Variants in DCC observed in about 807,000 individuals in gnomAD.
DCC encodes the protein DCC netrin 1 receptor.
In DCC, 58 loss-of-function variants were observed where a neutral mutation model predicts 172.5. That is an observed-to-expected ratio of 0.34 (90% CI 0.27 to 0.42). DCC has a LOEUF of 0.42. Among genes scored for constraint, DCC ranks in the 10% least tolerant of loss-of-function variants. The pLI is 1.00. For synonymous variants in DCC, 709 were observed against 644.5 expected (o/e 1.10, Z -1.52); for missense variants, 1,740 against 1,791.0 (o/e 0.97, Z 0.51).
intron 13 of DCC, among the ~76,000 whole-genome samples, chr18:53,316,818 A>G (rs781420264): frequency 1.3e-5 from 2 of 152,188 alleles, no homozygotes; most frequent in Non-Finnish European, 2.9e-5. Flanking sequence ...CTTTGCTGAC[A>G]TTGCTTAACA....
chr18:53,358,756 G>A (rs190710442), intron 15 of DCC, among the ~76,000 whole-genome samples: 17 of 151,958 alleles, frequency 1.1e-4, no homozygotes, highest in South Asian at 4.2e-4. Context: ...TCCTGACCTC[G>A]TGATCTGCCC....
intron 2 of DCC, among the ~76,000 whole-genome samples, chr18:52,775,864 G>T (rs1457843529): frequency 1.3e-5 from 2 of 152,196 alleles, no homozygotes; most frequent in African/African-American, 2.4e-5. Context: ...TGCTCACCTA[G>T]GTCCGTGAGG....
chr18:53,206,251 A>C (rs1024938686), intron 10 of DCC, among the ~76,000 whole-genome samples: 7 of 134,998 alleles, frequency 5.2e-5, no homozygotes, highest in Admixed American at 3.2e-4. Context: ...CATAATACAT[A>C]TATACCACAT....
intron 7 of DCC, among the ~76,000 whole-genome samples, chr18:53,070,943 G>A (rs768220688): frequency 6.6e-6 from 1 of 152,146 alleles, no homozygotes; most frequent in Non-Finnish European, 1.5e-5. Flanking sequence ...TAAGCAATGA[G>A]GCTGACCATG....
At chr18:52,824,307 C>T (rs1363990992) in intron 2 of DCC, among the ~76,000 whole-genome samples, 1 of 151,976 alleles carries the variant, frequency 6.6e-6, no homozygotes, top group Non-Finnish European at 1.5e-5. Flanking sequence ...AGGTTTATTT[C>T]AAAATTGTGA....
At position 52,875,961 on chromosome 18, in the gene DCC, T is replaced by G. The variant is rs1034672601; in HGVS notation, c.413-30083T>G. ...TCATAATGACTTGTTTGAAATATTT[T>G]AGACCACGTGGGTGAGAAGAACACA... On this transcript the variant is annotated intron_variant, in intron 2 of 28. Coordinates refer to ENST00000442544, the MANE Select transcript of DCC (RefSeq NM_005215.4). Among the ~76,000 whole-genome samples, 5 of 152,122 alleles carry G rather than the reference T, an allele frequency of 3.3e-5. No individual in the cohort carries two copies. In the East Asian group the frequency reaches 5.8e-4, roughly 18 times the overall value.
At chr18:53,518,167 A>T (rs1216114218) in intron 27 of DCC, among the ~76,000 whole-genome samples, 1 of 152,122 alleles carries the variant, frequency 6.6e-6, no homozygotes, top group African/African-American at 2.4e-5. Context: ...AGTCCATTTC[A>T]TTTTGTCTGG....
At chr18:52,512,067 A>G (rs1217865956) in intron 1 of DCC, among the ~76,000 whole-genome samples, 1 of 152,196 alleles carries the variant, frequency 6.6e-6, no homozygotes, top group Non-Finnish European at 1.5e-5. Context: ...AAGAAGTCTA[A>G]GTTATTATTC....
At chr18:53,059,237 A>T (rs969862133) in intron 5 of DCC, among the ~76,000 whole-genome samples, 1 of 152,118 alleles carries the variant, frequency 6.6e-6, no homozygotes, top group Non-Finnish European at 1.5e-5. Context: ...TGTGAAGATT[A>T]TGGGAACTAT....
At chr18:52,531,211 G>A (rs2032139797) in intron 1 of DCC, among the ~76,000 whole-genome samples, 1 of 152,170 alleles carries the variant, frequency 6.6e-6, no homozygotes, top group Admixed American at 6.5e-5. Context: ...AAGCTACCTG[G>A]TGTATTATCA....
chr18:53,135,593 C>G (rs1244258278), intron 7 of DCC, among the ~76,000 whole-genome samples: 1 of 152,108 alleles, frequency 6.6e-6, no homozygotes. Flanking sequence ...CCACCTAGGG[C>G]TGACAGCTGC....
intron 1 of DCC, among the ~76,000 whole-genome samples, chr18:52,512,817 A>G (rs1384260363): frequency 6.6e-6 from 1 of 152,202 alleles, no homozygotes; most frequent in Non-Finnish European, 1.5e-5. Flanking sequence ...TTTGAATGAG[A>G]TGGTCCACAT....
rs1318079404 is a variant in DCC, at chr18:53,535,184, A to G, written c.*4531A>G. On this transcript the variant is annotated 3_prime_UTR_variant, in exon 29 of 29. Transcript: ENST00000442544. ...TGGGCGGGTATGGGGTGTACTTTTT[A>G]TAAGTAATATTTAATTTATTATTTA... is the stretch of plus-strand genomic sequence containing the variant. 6.6e-6 allele frequency: 1 copy of G among 152,148 alleles called. No individual in the cohort carries two copies. Among genetic ancestry groups the G allele is most frequent in the Non-Finnish European group, 1.5e-5 (1 of 68,026 alleles). The allele number at this position is 152,148 out of a possible 1,614,324, so 9.4% of individuals were successfully genotyped here.
chr18:53,119,828 A>G (rs892451866), intron 7 of DCC, among the ~76,000 whole-genome samples: 1 of 151,790 alleles, frequency 6.6e-6, no homozygotes, highest in Admixed American at 6.6e-5. Flanking sequence ...CTCTTTACAC[A>G]TTGTGGATCA....
At chr18:53,265,861 G>A (rs886073635) in intron 12 of DCC, among the ~76,000 whole-genome samples, 2 of 152,120 alleles carry the variant, frequency 1.3e-5, no homozygotes, top group Non-Finnish European at 2.9e-5. Context: ...TTTACTTTCT[G>A]TTGGTGATAC....
At chr18:53,446,100 A>G (rs1048505241) in intron 22 of DCC, among the ~76,000 whole-genome samples, 1 of 134,514 alleles carries the variant, frequency 7.4e-6, no homozygotes. Flanking sequence ...TGTCTCTACA[A>G]AAAAAAAAAA....
At chr18:53,205,133 A>AAT (rs895159307) in intron 9 of DCC, 83 bp from the exon 10 acceptor site, 23 of 1,064,830 alleles carry the variant, frequency 2.2e-5, no homozygotes, top group Non-Finnish European at 3.2e-5. Flanking sequence ...TGAACTGTAA[A>AAT]AATGTAATTT....
At chr18:52,750,701 G>A (rs528732590) in intron 1 of DCC, among the ~76,000 whole-genome samples, 2 of 152,258 alleles carry the variant, frequency 1.3e-5, no homozygotes, top group South Asian at 4.1e-4. Context: ...ACTGTAAAAT[G>A]GGGTGTACAA....
chr18:53,160,458 T>G (rs1486509680), intron 8 of DCC, among the ~76,000 whole-genome samples: 1 of 152,218 alleles, frequency 6.6e-6, no homozygotes, highest in African/African-American at 2.4e-5. Flanking sequence ...ATTAAATATT[T>G]GCTGACTTGC....
Sources: allele counts gnomAD v4.1 joint callset (sites outside exome capture counted in the v4.1 genomes callset), GRCh38; gene constraint gnomAD v4.1.1; transcripts MANE v1.5; gene names NCBI Gene and HGNC (gene_info 2026-07-23, HGNC 2026-07-21).